Variants in ZFHX3 observed in about 807,000 individuals in gnomAD.
The protein encoded by ZFHX3 is zinc finger homeobox protein 3.
A neutral mutation model predicts 279.1 loss-of-function variants in ZFHX3; 42 were observed. The ratio of observed to expected loss-of-function variants is 0.15; its 90% CI spans 0.12 to 0.19. The LOEUF (loss-of-function observed/expected upper bound fraction) is 0.19, where lower values mean the gene tolerates loss of function less well. Ranked by LOEUF, ZFHX3 falls within the 10% of genes least tolerant of loss-of-function variation. The pLI, the probability that ZFHX3 is intolerant of heterozygous loss-of-function variation, is 1.00. For missense variants in ZFHX3, 4,981 were observed against 4,754.0 expected (o/e 1.05, Z -1.40); for synonymous variants, 2,293 against 1,957.8 (o/e 1.17, Z -4.52).
rs1486433795 is a variant in ZFHX3, at chr16:73,647,027, T to TG, written c.-1547+33152_-1547+33153insC. ...GTTGTGCCAACCTTTTTTTTTTCTT[T>TG]TTTTTTTTTTGAGACGGAACTCTGT... On this transcript the variant is annotated intron_variant, in intron 2 of 17. Transcript: ENST00000641206. 2.1e-5 allele frequency among the ~76,000 whole-genome samples: 3 copies of TG among 140,438 alleles called. No homozygotes were observed. In the South Asian group the frequency reaches 6.7e-4, roughly 31 times the overall value. 92.1% of individuals were successfully genotyped at this position (140,438 alleles called of 152,430 possible). A position where few individuals can be genotyped will look rare whatever the true frequency, so the allele number is the denominator to read the frequency against.
chr16:72,839,482 C>A (rs1452104900), intron 4 of ZFHX3, among the ~76,000 whole-genome samples: 2 of 152,096 alleles, frequency 1.3e-5, no homozygotes, highest in East Asian at 3.9e-4. Flanking sequence ...AATAGAAGGT[C>A]CTTGATACCA....
At chr16:72,937,791 C>T (rs545299636) in intron 3 of ZFHX3, among the ~76,000 whole-genome samples, 1 of 152,204 alleles carries the variant, frequency 6.6e-6, no homozygotes, top group Admixed American at 6.5e-5. Flanking sequence ...CCTCTGCCTC[C>T]AAGAGCCTTT....
At chr16:73,344,783 CA>C (rs1340782234) in intron 3 of ZFHX3, among the ~76,000 whole-genome samples, 1 of 152,078 alleles carries the variant, frequency 6.6e-6, no homozygotes, top group Non-Finnish European at 1.5e-5. Flanking sequence ...GGGAATGGGA[CA>C]AAATGTAAAC....
chr16:72,958,494 CTAG>C lies in ZFHX3; in HGVS notation c.1649_1651del (p.Thr550del). 1 of 1,614,118 alleles carries C rather than the reference CTAG, an allele frequency of 6.2e-7. No homozygotes were observed. The highest frequency in any genetic ancestry group is 8.5e-7 in the Non-Finnish European group (1 of 1,180,046). ...AACAAAGGAAGAAGCAGAATTAGAACTAGTAGAAGCTGTGCCCCTCGACAGGGT... is the reference window on the plus strand; with the variant it reads ...AACAAAGGAAGAAGCAGAATTAGAACTAGAAGCTGTGCCCCTCGACAGGGT... On this transcript the variant is annotated inframe_deletion, in exon 2 of 10. Coordinates refer to ENST00000268489, the MANE Select transcript of ZFHX3 (RefSeq NM_006885.4).
At chr16:73,588,920 T>A (rs767263900) in intron 2 of ZFHX3, among the ~76,000 whole-genome samples, 1 of 151,680 alleles carries the variant, frequency 6.6e-6, no homozygotes, top group Non-Finnish European at 1.5e-5. Flanking sequence ...GAGAAACATA[T>A]AGAACACAAG....
At chr16:72,822,018 G>C (rs551989660) in intron 5 of ZFHX3, 1 of 152,254 alleles carries the variant, frequency 6.6e-6, no homozygotes, top group Admixed American at 6.5e-5. Flanking sequence ...GACAAGCAAA[G>C]ACACCTTAAA....
At chr16:73,195,976 T>C (rs1375411366) in intron 5 of ZFHX3, among the ~76,000 whole-genome samples, 1 of 152,142 alleles carries the variant, frequency 6.6e-6, no homozygotes, top group Non-Finnish European at 1.5e-5. Context: ...ATCTCCCTCA[T>C]TGCCTAACAC....
chr16:73,356,073 G>A (rs191298951), intron 3 of ZFHX3, among the ~76,000 whole-genome samples: 1 of 152,202 alleles, frequency 6.6e-6, no homozygotes, highest in Admixed American at 6.5e-5. Context: ...TAACATCAAG[G>A]CTTCAGAATT....
intron 2 of ZFHX3, among the ~76,000 whole-genome samples, chr16:73,626,740 C>A (rs2052420777): frequency 6.6e-6 from 1 of 152,208 alleles, no homozygotes; most frequent in South Asian, 2.1e-4. Flanking sequence ...TTATCCCTCC[C>A]ATCCCCCATT....
intron 4 of ZFHX3, among the ~76,000 whole-genome samples, chr16:72,851,042 G>A (rs2037603037): frequency 6.6e-6 from 1 of 152,090 alleles, no homozygotes; most frequent in South Asian, 2.1e-4. Context: ...ATGGCTCGGG[G>A]TTTCTAGGAT....
chr16:73,474,819 T>C (rs990724612), intron 2 of ZFHX3, among the ~76,000 whole-genome samples: 1 of 152,208 alleles, frequency 6.6e-6, no homozygotes, highest in African/African-American at 2.4e-5. Context: ...TCGTGGTTGG[T>C]TATGTCGATT....
At chr16:73,451,275 G>C (rs1043640086) in intron 3 of ZFHX3, among the ~76,000 whole-genome samples, 3 of 152,204 alleles carry the variant, frequency 2.0e-5, no homozygotes, top group African/African-American at 7.2e-5. Context: ...GAAGGACACA[G>C]GCCAGATCCA....
At chr16:72,981,975 C>T (rs773855947) in intron 1 of ZFHX3, among the ~76,000 whole-genome samples, 2 of 151,052 alleles carry the variant, frequency 1.3e-5, no homozygotes, top group Non-Finnish European at 2.9e-5. Context: ...CTCCACCTCC[C>T]GGGTTCAAGC....
At chr16:73,247,268 T>C (rs1174181102) in intron 5 of ZFHX3, among the ~76,000 whole-genome samples, 1 of 152,070 alleles carries the variant, frequency 6.6e-6, no homozygotes, top group Non-Finnish European at 1.5e-5. Flanking sequence ...TGTGTGTGTA[T>C]ACTGTGTATA....
chr16:73,407,295 A>C (rs2017379982), intron 3 of ZFHX3, among the ~76,000 whole-genome samples: 1 of 152,164 alleles, frequency 6.6e-6, no homozygotes, highest in Admixed American at 6.5e-5. Context: ...AAGTAGCTGG[A>C]ATGACAGTTC....
intron 1 of ZFHX3, among the ~76,000 whole-genome samples, chr16:73,756,726 AC>A (rs1478183771): frequency 3.7e-5 from 1 of 26,980 alleles, no homozygotes; most frequent in Non-Finnish European, 8.3e-5. Context: ...CCCCTGCCCC[AC>A]CCCCGCTCCT....
At chr16:72,789,590 CTG>C (rs1253417658) in intron 9 of ZFHX3, 2 of 152,336 alleles carry the variant, frequency 1.3e-5, no homozygotes, top group African/African-American at 4.8e-5. Flanking sequence ...TCTCTGACCT[CTG>C]TTGCTGCAGC....
chr16:72,872,062 G>C (rs1208083024), intron 4 of ZFHX3, among the ~76,000 whole-genome samples: 1 of 151,720 alleles, frequency 6.6e-6, no homozygotes, highest in Non-Finnish European at 1.5e-5. Flanking sequence ...TTGCACTCCA[G>C]CCTGGGCAAC....
chr16:73,607,695 T>C (rs780757688), intron 2 of ZFHX3, among the ~76,000 whole-genome samples: 1 of 152,176 alleles, frequency 6.6e-6, no homozygotes, highest in Non-Finnish European at 1.5e-5. Context: ...AGTTTCATCA[T>C]AAAAATCCTG....
Sources: gnomAD v4.1 joint callset for allele counts (sites outside exome capture counted in the v4.1 genomes callset) on GRCh38, gnomAD v4.1.1 for gene constraint, MANE v1.5 for transcripts, NCBI Gene and HGNC (gene_info 2026-07-23, HGNC 2026-07-21) for gene names.